Variants in PIWIL2 observed in about 807,000 individuals in gnomAD.
PIWIL2 encodes piwi-like protein 2.
A neutral mutation model predicts 116.5 loss-of-function variants in PIWIL2; 81 were observed. The ratio of observed to expected loss-of-function variants is 0.70; its 90% CI spans 0.58 to 0.84. PIWIL2 has a LOEUF of 0.84. Ranked by LOEUF, PIWIL2 falls within the 40% of genes least tolerant of loss-of-function variation. PIWIL2 has a pLI of 0.00. For missense variants in PIWIL2, 1,272 were observed against 1,212.3 expected, an observed-to-expected ratio of 1.05 and a Z score of -0.73; for synonymous variants, 489 against 429.5, an observed-to-expected ratio of 1.14 and a Z score of -1.71.
intron 20 of PIWIL2, among the ~76,000 whole-genome samples, chr8:22,320,085 C>T (rs1339539648): frequency 6.6e-6 from 1 of 151,984 alleles, no homozygotes; most frequent in Non-Finnish European, 1.5e-5. Context: ...GCCTCAGCCT[C>T]CTGAATAGCT....
At chr8:22,287,782 C>T (rs1456767819) in intron 7 of PIWIL2, 137 bp downstream of exon 7, 2 of 655,536 alleles carry the variant, frequency 3.1e-6, no homozygotes, top group Non-Finnish European at 5.6e-6. Context: ...CCTGGGACTA[C>T]AGGCGTGTGA....
At position 22,317,090 on chromosome 8, in the gene PIWIL2, T is replaced by A. The variant is rs1440040856; in HGVS notation, c.2297+757T>A. The stretch of plus-strand genomic sequence containing the variant: ...CACTGCACCTGGCTTTGCAGCTTAT[T>A]TAACAAACTTGGCACGGGTGTGAAT... On this transcript the variant is annotated intron_variant, in intron 19 of 22. Coordinates refer to ENST00000356766, the MANE Select transcript of PIWIL2 (RefSeq NM_018068.5). 3.3e-5 allele frequency among the ~76,000 whole-genome samples: 5 copies of A among 152,328 alleles called. No individual in the cohort carries two copies. In the East Asian group the frequency reaches 9.6e-4, roughly 29 times the overall value.
chr8:22,335,090 A>G (rs977607872), intron 20 of PIWIL2, among the ~76,000 whole-genome samples: 1 of 152,112 alleles, frequency 6.6e-6, no homozygotes, highest in Non-Finnish European at 1.5e-5. Context: ...TTAATCCCCA[A>G]AAGGACCACT....
chr8:22,281,245 T>C, intron 3 of PIWIL2, 38 bp downstream of exon 3: 5 of 1,548,038 alleles, frequency 3.2e-6, no homozygotes, highest in Non-Finnish European at 4.4e-6. Flanking sequence ...TGGTGGTATG[T>C]ATGATTGGTT....
chr8:22,283,002 A>G (rs746344104), intron 4 of PIWIL2, 32 bp from the exon 5 acceptor site: 3 of 1,551,846 alleles, frequency 1.9e-6, no homozygotes, highest in Admixed American at 1.7e-5. Flanking sequence ...TATTATAAAA[A>G]ACCCTGATTT....
At chr8:22,342,848 C>T (rs961271794) in intron 20 of PIWIL2, among the ~76,000 whole-genome samples, 1 of 152,042 alleles carries the variant, frequency 6.6e-6, no homozygotes, top group Admixed American at 6.6e-5. Context: ...GAAATATTTG[C>T]AAAACACGTA....
In PIWIL2 at chr8:22,316,265, G is replaced by T; in HGVS notation, c.2229G>T (p.Gly743=). The T allele has an allele frequency of 1.2e-6, 2 of 1,612,888 alleles. No individual in the cohort carries two copies. The highest frequency in any genetic ancestry group is 1.7e-6 in the Non-Finnish European group (2 of 1,178,928). Residue 743 remains glycine (G), a synonymous_variant, in exon 19 of 23, where the codon GGG becomes GGT. Transcript: ENST00000356766. ...ACTAGAAACAGTTAATGGTGATCGG[G>T]ATGGATGTTTACCATGACCCCAGTA... ...DIPLKQLMVI[G]MDVYHDPSRG...
Position 22,354,496 on chromosome 8 carries a change from G to A in PIWIL2, c.2765+118G>A, listed in dbSNP as rs1047732520. 1.4e-4 allele frequency: 78 copies of A among 571,674 alleles called. 1 individual carries two copies. The Admixed American group carries it at 2.1e-3, about 15-fold the overall frequency. The allele number at this position is 571,674 out of a possible 1,614,324, so 35.4% of individuals were successfully genotyped here. ...CCTCTTGACTTTTCTTCATATCTTT[G>A]ACAATTATGGTGTCTTTTTGAGGAG... is the stretch of plus-strand genomic sequence containing the variant. On this transcript the variant is annotated intron_variant, in intron 22 of 22. Transcript: ENST00000356766.
chr8:22,279,366 C>A lies in PIWIL2; in HGVS notation c.-21C>A. 6.3e-7 allele frequency: 1 copy of A among 1,597,014 alleles called. No homozygotes were observed. Among genetic ancestry groups the A allele is most frequent in the African/African-American group, 1.3e-5 (1 of 74,682 alleles). Reference sequence around the variant, plus strand: ...GTAATTAACCAGAACAGGATCGACACGTGTTCTCTACAGCCCGTCCATGGA... The same window carrying A: ...GTAATTAACCAGAACAGGATCGACAAGTGTTCTCTACAGCCCGTCCATGGA... On this transcript the variant is annotated 5_prime_UTR_variant, in exon 2 of 23. Coordinates refer to ENST00000356766, the MANE Select transcript of PIWIL2 (RefSeq NM_018068.5).
chr8:22,325,481 C>CTTTTTTTTTT (rs749493740), intron 20 of PIWIL2, among the ~76,000 whole-genome samples: 1 of 95,040 alleles, frequency 1.1e-5, no homozygotes, highest in Admixed American at 1.4e-4. Context: ...TTGATTTAGT[C>CTTTTTTTTTT]TTTTTTTTTT....
At chr8:22,313,401 G>A (rs148648439) in intron 16 of PIWIL2, among the ~76,000 whole-genome samples, 3 of 152,254 alleles carry the variant, frequency 2.0e-5, no homozygotes, top group African/African-American at 7.2e-5. Flanking sequence ...CCAAAAACCT[G>A]GAATTGCATA....
intron 16 of PIWIL2, among the ~76,000 whole-genome samples, 162 bp from the exon 17 acceptor site, chr8:22,314,166 A>G (rs970828550): frequency 6.6e-6 from 1 of 152,150 alleles, no homozygotes; most frequent in South Asian, 2.1e-4. Flanking sequence ...ATTCAGCTCC[A>G]AGGACCTTGT....
At chr8:22,338,699 TAAATA>T (rs1832036932) in intron 20 of PIWIL2, among the ~76,000 whole-genome samples, 1 of 132,960 alleles carries the variant, frequency 7.5e-6, no homozygotes, top group South Asian at 2.2e-4. Flanking sequence ...CAAAAATAAA[TAAATA>T]AATAAATAAA....
At chr8:22,276,418 C>T (rs1234585840) in intron 1 of PIWIL2, among the ~76,000 whole-genome samples, 1 of 152,178 alleles carries the variant, frequency 6.6e-6, no homozygotes, top group African/African-American at 2.4e-5. Context: ...CAGGTTCAAG[C>T]GATTCTCCTG....
intron 5 of PIWIL2, 151 bp from the exon 6 acceptor site, chr8:22,284,011 G>A (rs937507096): frequency 5.9e-6 from 3 of 511,088 alleles, no homozygotes; most frequent in Non-Finnish European, 6.9e-6. Context: ...GCTTGCTTCT[G>A]TAAGTGTTGC....
chr8:22,300,440 C>G (rs1157865045), intron 10 of PIWIL2, among the ~76,000 whole-genome samples: 1 of 152,166 alleles, frequency 6.6e-6, no homozygotes. Context: ...CAGCTTTTGG[C>G]TGTTACAAAT....
intron 17 of PIWIL2, among the ~76,000 whole-genome samples, 190 bp from the exon 18 acceptor site, chr8:22,314,839 G>A (rs1831417438): frequency 1.3e-5 from 2 of 152,134 alleles, no homozygotes; most frequent in South Asian, 4.1e-4. Flanking sequence ...GTATGTGTGT[G>A]TGTGTGTGTT....
At chr8:22,284,774 A>G (rs1163890478) in intron 6 of PIWIL2, among the ~76,000 whole-genome samples, 5 of 152,098 alleles carry the variant, frequency 3.3e-5, no homozygotes, top group Admixed American at 3.3e-4. Context: ...AAAATGAAGG[A>G]AGATAACTGC....
chr8:22,349,842 G>A (rs899276171), intron 20 of PIWIL2, among the ~76,000 whole-genome samples: 2 of 152,222 alleles, frequency 1.3e-5, no homozygotes, highest in Admixed American at 6.5e-5. Context: ...GCAGGGGCCT[G>A]AAAAGGCACT....
Sources: allele counts gnomAD v4.1 joint callset (sites outside exome capture counted in the v4.1 genomes callset), GRCh38; gene constraint gnomAD v4.1.1; transcripts MANE v1.5; gene names NCBI Gene and HGNC (gene_info 2026-07-23, HGNC 2026-07-21).